CELF4: variants seen among roughly 807,000 people sequenced by gnomAD.
CELF4 encodes the protein CUG-BP- and ETR-3-like factor 4.
In CELF4, 18 loss-of-function variants were observed where a neutral mutation model predicts 59.9. That is an observed-to-expected ratio of 0.30 (90% CI 0.21 to 0.45). CELF4 has a LOEUF of 0.45. CELF4 is among the 20% of genes least tolerant of loss of function. CELF4 has a pLI of 1.00. For missense variants in CELF4, 456 were observed against 689.0 expected, an observed-to-expected ratio of 0.66 and a Z score of 3.79; for synonymous variants, 261 against 267.1, an observed-to-expected ratio of 0.98 and a Z score of 0.22.
intron 1 of CELF4, among the ~76,000 whole-genome samples, chr18:37,493,370 T>C (rs1335890923): frequency 6.6e-6 from 1 of 152,260 alleles, no homozygotes; most frequent in East Asian, 1.9e-4. Flanking sequence ...TACACGTCTT[T>C]GCCTTGCATT....
At position 37,253,217 on chromosome 18, in the gene CELF4, C is replaced by T. The variant is rs145718249; in HGVS notation, c.*44+550G>A. Among the ~76,000 whole-genome samples the T allele has an allele frequency of 3.2e-3, 481 of 152,274 alleles. 1 individual carries two copies. Among genetic ancestry groups the T allele is most frequent in the Non-Finnish European group, 3.7e-3 (249 of 68,024 alleles). ...CCTCCTCAGCTTTCATCCCATCCTG[C>T]TTTGTTTCTTAGTAAAGTTCCCTTT... On this transcript the variant is annotated intron_variant, in intron 12 of 12. Transcript: ENST00000420428. The surrounding 1 kb of genome is among the most constrained non-coding windows in gnomAD (Gnocchi z 4.5).
At position 37,272,999 on chromosome 18, in the gene CELF4, G is replaced by C. The variant is rs1393321518; in HGVS notation, c.949+17C>G. 5 of 1,597,394 alleles carry C rather than the reference G, an allele frequency of 3.1e-6. No individual in the cohort carries two copies. Among genetic ancestry groups the C allele is most frequent in the Non-Finnish European group, 2.6e-6 (3 of 1,168,766 alleles). The stretch of plus-strand genomic sequence containing the variant: ...CTCCCACCGGGCCAGACCGCGTGTT[G>C]GCACCTGCCAGCTCACCTGAGGTTG... On this transcript the variant is annotated intron_variant, in intron 7 of 12. Transcript: ENST00000420428.
intron 2 of CELF4, among the ~76,000 whole-genome samples, chr18:37,380,161 C>A (rs1212520989): frequency 6.6e-6 from 1 of 152,172 alleles, no homozygotes; most frequent in African/African-American, 2.4e-5. Flanking sequence ...GTTGTGATTT[C>A]TCAGATGCAG....
At chr18:37,316,447 G>C (rs145497506) in intron 3 of CELF4, among the ~76,000 whole-genome samples, 1 of 152,208 alleles carries the variant, frequency 6.6e-6, no homozygotes, top group Non-Finnish European at 1.5e-5. Flanking sequence ...TGGAACCCCA[G>C]ATCCTGGTGG....
chr18:37,385,122 G>A (rs2099084821), intron 2 of CELF4, among the ~76,000 whole-genome samples: 1 of 152,068 alleles, frequency 6.6e-6, no homozygotes. Flanking sequence ...TGAGGCGGGT[G>A]GATCACTTGA....
At chr18:37,507,183 T>G (rs1360236538) in intron 1 of CELF4, among the ~76,000 whole-genome samples, 1 of 152,196 alleles carries the variant, frequency 6.6e-6, no homozygotes, top group African/African-American at 2.4e-5. Context: ...GATGGTCTCA[T>G]ATGCTCCCCT....
At chr18:37,499,405 G>C (rs974652851) in intron 1 of CELF4, among the ~76,000 whole-genome samples, 1 of 152,288 alleles carries the variant, frequency 6.6e-6, no homozygotes, top group African/African-American at 2.4e-5. Context: ...GAGGAAAGTT[G>C]GGGCGTTGCA....
intron 2 of CELF4, among the ~76,000 whole-genome samples, chr18:37,417,328 C>T (rs2099537209): frequency 6.6e-6 from 1 of 152,168 alleles, no homozygotes; most frequent in Non-Finnish European, 1.5e-5. Flanking sequence ...TTCCTTCTTC[C>T]AGCCACAGAT....
At chr18:37,392,838 A>G (rs1403643271) in intron 2 of CELF4, among the ~76,000 whole-genome samples, 3 of 152,194 alleles carry the variant, frequency 2.0e-5, no homozygotes, top group Non-Finnish European at 4.4e-5. Flanking sequence ...CATCTCAAAC[A>G]GCCCCTTCCC....
At chr18:37,260,593 C>A (rs966048201) in intron 10 of CELF4, among the ~76,000 whole-genome samples, 1 of 152,190 alleles carries the variant, frequency 6.6e-6, no homozygotes, top group African/African-American at 2.4e-5. Flanking sequence ...CAGAGCCAAC[C>A]GTCCTTGTTC....
rs766190775 is a variant in CELF4, at chr18:37,273,065, C to T, written c.900G>A (p.Ala300=). ...CCGCCAGGCCATTCATGTTGAGGGC[C>T]GCCATCTGCTGCATCTGGGCGGCAG... ...AFAAAQMQQM[A]ALNMNGLAAA... The change falls in exon 7 of 13, where the codon GCG becomes GCA. Residue 300 remains alanine, a synonymous_variant. Transcript: ENST00000420428. 1.2e-5 allele frequency: 19 copies of T among 1,612,760 alleles called. No individual in the cohort carries two copies. Among genetic ancestry groups the T allele is most frequent in the Middle Eastern group, 1.8e-4 (1 of 5,414 alleles).
chr18:37,409,805 T>TTGCTTTAGGTTTCA (rs2099420556), intron 2 of CELF4, among the ~76,000 whole-genome samples: 1 of 152,186 alleles, frequency 6.6e-6, no homozygotes, highest in African/African-American at 2.4e-5. Context: ...GATGGGTTTC[T>TTGCTTTAGGTTTCA]TGCTTTAGGT....
At chr18:37,459,960 C>G (rs2099789025) in intron 2 of CELF4, among the ~76,000 whole-genome samples, 1 of 152,192 alleles carries the variant, frequency 6.6e-6, no homozygotes, top group South Asian at 2.1e-4. Flanking sequence ...TATTGAAAGA[C>G]TTTTCAGAAA....
intron 2 of CELF4, among the ~76,000 whole-genome samples, chr18:37,441,394 G>A (rs1016264995): frequency 1.3e-5 from 2 of 152,048 alleles, no homozygotes; most frequent in Admixed American, 6.5e-5. Flanking sequence ...GCTGGGAGAC[G>A]GCAGACAGAT....
chr18:37,416,502 A>G (rs186800701), intron 2 of CELF4, among the ~76,000 whole-genome samples: 84 of 152,314 alleles, frequency 5.5e-4, no homozygotes, highest in Non-Finnish European at 8.2e-4. Flanking sequence ...GCATCTTGGT[A>G]CCTGCTTCAT....
intron 2 of CELF4, among the ~76,000 whole-genome samples, chr18:37,454,304 G>A (rs1241577704): frequency 6.6e-6 from 1 of 152,186 alleles, no homozygotes; most frequent in East Asian, 1.9e-4. Context: ...TGTTTTCCAT[G>A]CCAGGAGGCA....
chr18:37,435,541 G>A (rs1185681275), intron 2 of CELF4, among the ~76,000 whole-genome samples: 1 of 152,176 alleles, frequency 6.6e-6, no homozygotes, highest in Non-Finnish European at 1.5e-5. Context: ...TCTTTGCAGA[G>A]CAGACTGAGA....
At chr18:37,290,548 G>A (rs990253618) in intron 3 of CELF4, among the ~76,000 whole-genome samples, 6 of 152,208 alleles carry the variant, frequency 3.9e-5, no homozygotes, top group Non-Finnish European at 8.8e-5. Flanking sequence ...GGGAGCTTGA[G>A]CAGGAGAAAG....
At chr18:37,498,757 G>A (rs560790550) in intron 1 of CELF4, among the ~76,000 whole-genome samples, 2 of 152,222 alleles carry the variant, frequency 1.3e-5, no homozygotes, top group Admixed American at 1.3e-4. Flanking sequence ...GGTGTCTGGA[G>A]TTCCGGGAGA....
Sources: allele counts gnomAD v4.1 joint callset (sites outside exome capture counted in the v4.1 genomes callset), GRCh38; gene constraint gnomAD v4.1.1; non-coding constraint Gnocchi (gnomAD v3.1); transcripts MANE v1.5; gene names NCBI Gene and HGNC (gene_info 2026-07-23, HGNC 2026-07-21).